The following ZNF506 variants were observed in gnomAD, a reference collection of about 807,000 sequenced individuals.
ZNF506 encodes the protein zinc finger protein 506.
A neutral mutation model predicts 11.6 loss-of-function variants in ZNF506; 10 were observed. That is an observed-to-expected ratio of 0.86 (90% CI 0.53 to 1.46). The LOEUF (loss-of-function observed/expected upper bound fraction) is 1.46, where lower values mean the gene tolerates loss of function less well. ZNF506 is among the 40% of genes most tolerant of loss of function. The pLI is 0.00. For synonymous variants in ZNF506, 156 were observed against 173.3 expected (o/e 0.90, Z 0.78); for missense variants, 425 against 521.2 (o/e 0.82, Z 1.80).
rs1048733933 is a variant in ZNF506 at position 19,821,698 on chromosome 19, G to C, written c.-95C>G. ...AGAGGCTGGGCCTCTAGGAGCTGAC[G>C]GCACAGAGCAGTGAAGACGATAGCT... On this transcript the variant is annotated 5_prime_UTR_variant, in exon 1 of 4. Transcript: ENST00000540806. 6.7e-6 allele frequency: 10 copies of C among 1,492,398 alleles called. No homozygotes were observed. Among genetic ancestry groups the C allele is most frequent in the African/African-American group, 1.4e-5 (1 of 72,582 alleles). The allele number at this position is 1,492,398 out of a possible 1,614,324, so 92.4% of individuals were successfully genotyped here. A position where few individuals can be genotyped will look rare whatever the true frequency, so the allele number is the denominator to read the frequency against.
At chr19:19,816,810 C>CTTTTT (rs34297481) in intron 1 of ZNF506, among the ~76,000 whole-genome samples, 20 of 80,244 alleles carry the variant, frequency 2.5e-4, no homozygotes, top group South Asian at 4.9e-4. Context: ...AAAATATTTC[C>CTTTTT]TTTTTTTTTT....
chr19:19,813,635 C>T (rs972014127), intron 1 of ZNF506, among the ~76,000 whole-genome samples: 6 of 152,138 alleles, frequency 3.9e-5, no homozygotes, highest in East Asian at 1.9e-4. Context: ...AGCAAAGACA[C>T]GCACAGGCTG....
At chr19:19,814,942 G>A (rs2062917471) in intron 1 of ZNF506, among the ~76,000 whole-genome samples, 1 of 152,048 alleles carries the variant, frequency 6.6e-6, no homozygotes, top group Non-Finnish European at 1.5e-5. Flanking sequence ...GTGGATTCTT[G>A]GCAAGAAACA....
chr19:19,796,066 G>T, intron 3 of ZNF506: 1 of 225,328 alleles, frequency 4.4e-6, no homozygotes. Flanking sequence ...GGTGGATCAT[G>T]AGGTCAACAG....
chr19:19,798,323 A>T (rs1191808380), intron 3 of ZNF506: 1 of 152,142 alleles, frequency 6.6e-6, no homozygotes, highest in African/African-American at 2.4e-5. Context: ...GATCTTTTAG[A>T]GGTTTTAGAT....
chr19:19,815,516 G>A lies in ZNF506; in HGVS notation c.3+6085C>T, dbSNP rs187876203. ...ACGGGCAGTGTGACAGCCTGTGTACGACAGAGCAGAGCCTCCCATTCCCAA... is the reference window on the plus strand; with the variant it reads ...ACGGGCAGTGTGACAGCCTGTGTACAACAGAGCAGAGCCTCCCATTCCCAA... On this transcript the variant is annotated intron_variant, in intron 1 of 3. Transcript: ENST00000540806. Among the ~76,000 whole-genome samples the A allele has an allele frequency of 8.5e-4, 129 of 152,274 alleles. 2 individuals are homozygous for A. The highest frequency in any genetic ancestry group is 3.0e-3 in the African/African-American group (123 of 41,544).
At position 19,794,552 on chromosome 19, in the gene ZNF506, T is replaced by C. The variant is rs2062721296; in HGVS notation, c.1335A>G (p.Ter445=). 2 of 1,582,958 alleles carry C rather than the reference T, an allele frequency of 1.3e-6. No individual in the cohort carries two copies. The highest frequency in any genetic ancestry group is 2.4e-5 in the South Asian group (2 of 84,878). The change falls in exon 4 of 4, where the codon TAA becomes TAG. Residue 445 remains the stop codon, a stop_retained_variant. Coordinates refer to ENST00000540806, the MANE Select transcript of ZNF506 (RefSeq NM_001099269.3). ...TCATACGGTTTCTCTCCAGTATGAA[T>C]TATCTTATGCTTATTAAGGGTTGAG... ...NVPQPLISIR[*]
intron 1 of ZNF506, among the ~76,000 whole-genome samples, chr19:19,813,484 G>T (rs1180674421): frequency 6.6e-6 from 1 of 152,136 alleles, no homozygotes; most frequent in Non-Finnish European, 1.5e-5. Context: ...ACTATAAAAA[G>T]CAGTGTGGTG....
chr19:19,799,316 A>G (rs2062771333), intron 3 of ZNF506: 1 of 462,616 alleles, frequency 2.2e-6, no homozygotes, highest in African/African-American at 2.0e-5. Flanking sequence ...AAGACAGTAT[A>G]TTAGTAAGGG....
At chr19:19,820,258 G>A (rs963579775) in intron 1 of ZNF506, 2 of 151,944 alleles carry the variant, frequency 1.3e-5, no homozygotes, top group Non-Finnish European at 2.9e-5. Context: ...CCACTTCTAA[G>A]GAAAAAAAAC....
At chr19:19,798,197 A>G (rs2145174853) in intron 3 of ZNF506, 1 of 152,342 alleles carries the variant, frequency 6.6e-6, no homozygotes, top group Non-Finnish European at 1.5e-5. Context: ...TAATGAATAG[A>G]CAACATAAAA....
intron 1 of ZNF506, among the ~76,000 whole-genome samples, chr19:19,815,317 T>TGGTGCCGAGGTCCTGAG (rs2062921296): frequency 2.6e-5 from 4 of 151,984 alleles, no homozygotes; most frequent in Admixed American, 2.6e-4. Flanking sequence ...TTCCTGAGGG[T>TGGTGCCGAGGTCCTGAG]GGTGCCGAGT....
intron 3 of ZNF506, among the ~76,000 whole-genome samples, chr19:19,804,483 C>T (rs575192918): frequency 7.9e-5 from 12 of 152,222 alleles, no homozygotes; most frequent in East Asian, 1.9e-4. Context: ...ACACTGTTGG[C>T]GGGAGTGTAA....
intron 3 of ZNF506, chr19:19,799,480 AT>A: frequency 1.1e-5 from 7 of 654,180 alleles, no homozygotes; most frequent in Admixed American, 5.3e-5. Flanking sequence ...GTCTTAACAC[AT>A]TTTTTTAAAC....
At position 19,803,252 on chromosome 19, in the gene ZNF506, G is replaced by C. The variant is rs572304168; in HGVS notation, c.226+2779C>G. ...GTCTGGCAGAGGTCCTGCCATTCCA[G>C]AGACCTGGAGGAAGGTGCCCATTTA... On this transcript the variant is annotated intron_variant, in intron 3 of 3. Transcript: ENST00000540806. Among the ~76,000 whole-genome samples the C allele has an allele frequency of 3.3e-5, 5 of 152,290 alleles. No individual in the cohort carries two copies. In the East Asian group the frequency reaches 9.7e-4, roughly 29 times the overall value.
intron 1 of ZNF506, among the ~76,000 whole-genome samples, chr19:19,819,381 A>G (rs1036224929): frequency 6.6e-6 from 1 of 152,058 alleles, no homozygotes; most frequent in African/African-American, 2.4e-5. Flanking sequence ...CTTTTCAAAA[A>G]AAAAAAAGAA....
At chr19:19,805,988 T>C (rs371663323) in intron 3 of ZNF506, 43 bp downstream of exon 3, 1 of 1,504,414 alleles carries the variant, frequency 6.6e-7, no homozygotes, top group Non-Finnish European at 9.1e-7. Flanking sequence ...CCTTGGGACC[T>C]CTATCTGTGT....
chr19:19,805,943 C>A, intron 3 of ZNF506, 88 bp downstream of exon 3: 2 of 1,158,646 alleles, frequency 1.7e-6, no homozygotes, highest in Non-Finnish European at 2.5e-6. Flanking sequence ...ACACAGCTTC[C>A]CAAATCACAT....
intron 3 of ZNF506, among the ~76,000 whole-genome samples, chr19:19,800,306 G>A (rs2062779019): frequency 6.6e-6 from 1 of 151,122 alleles, no homozygotes; most frequent in Admixed American, 6.6e-5. Context: ...GTTGTTTAAT[G>A]TGTATTGAGA....
Sources: gnomAD v4.1 joint callset for allele counts (sites outside exome capture counted in the v4.1 genomes callset) on GRCh38, gnomAD v4.1.1 for gene constraint, MANE v1.5 for transcripts, NCBI Gene and HGNC (gene_info 2026-07-23, HGNC 2026-07-21) for gene names.